Variants in THSD7B observed in about 807,000 individuals in gnomAD.
THSD7B encodes the protein thrombospondin type-1 domain-containing protein 7B.
THSD7B carries 138 observed loss-of-function variants against 213.6 expected under a neutral mutation model. That is an observed-to-expected ratio of 0.65 (90% CI 0.56 to 0.74). The LOEUF is 0.74. Ranked by LOEUF, THSD7B falls within the 30% of genes least tolerant of loss-of-function variation. The pLI, the probability that THSD7B is intolerant of heterozygous loss-of-function variation, is 0.00. For missense variants in THSD7B, 1,931 were observed against 1,991.5 expected (o/e 0.97, Z 0.58); for synonymous variants, 742 against 687.0 (o/e 1.08, Z -1.25).
At chr2:137,472,985 T>TA (rs2105094787) in intron 15 of THSD7B, among the ~76,000 whole-genome samples, 1 of 152,218 alleles carries the variant, frequency 6.6e-6, no homozygotes, top group East Asian at 1.9e-4. Flanking sequence ...TAAAAGTTTT[T>TA]ATGTACTGTG....
At chr2:137,395,823 T>G (rs914398726) in intron 12 of THSD7B, among the ~76,000 whole-genome samples, 50 of 150,496 alleles carry the variant, frequency 3.3e-4, no homozygotes, top group Non-Finnish European at 5.8e-4. Context: ...AACTATTGAT[T>G]ATTGCCACAA....
intron 1 of THSD7B, among the ~76,000 whole-genome samples, chr2:136,794,141 A>T (rs2104916431): frequency 6.6e-6 from 1 of 151,706 alleles, no homozygotes; most frequent in Non-Finnish European, 1.5e-5. Context: ...GAGACTAGAC[A>T]AAAATTTTGC....
intron 7 of THSD7B, among the ~76,000 whole-genome samples, chr2:137,199,639 G>GAATT (rs1185201591): frequency 6.6e-6 from 1 of 152,104 alleles, no homozygotes; most frequent in African/African-American, 2.4e-5. Context: ...TGGAAAGGAA[G>GAATT]AATTATGTGG....
intron 10 of THSD7B, among the ~76,000 whole-genome samples, chr2:137,262,969 G>A (rs1682487266): frequency 6.6e-6 from 1 of 152,154 alleles, no homozygotes; most frequent in Admixed American, 6.6e-5. Context: ...TGTAGAGACT[G>A]AGGAAGGGCA....
intron 5 of THSD7B, among the ~76,000 whole-genome samples, chr2:137,154,648 G>T (rs762399806): frequency 3.3e-5 from 5 of 151,866 alleles, no homozygotes; most frequent in Non-Finnish European, 7.4e-5. Flanking sequence ...TTATTTCTCG[G>T]TTAATTCAAA....
chr2:137,362,150 G>A (rs1356855798), intron 12 of THSD7B, among the ~76,000 whole-genome samples: 1 of 152,112 alleles, frequency 6.6e-6, no homozygotes, highest in East Asian at 1.9e-4. Flanking sequence ...CTAAGTGAAG[G>A]AGAAATAAAA....
At chr2:136,972,086 AG>A (rs1331691617) in intron 2 of THSD7B, among the ~76,000 whole-genome samples, 15 of 151,746 alleles carry the variant, frequency 9.9e-5, no homozygotes, top group African/African-American at 3.6e-4. Flanking sequence ...CTCTATGACA[AG>A]GTTTGGTTGC....
intron 12 of THSD7B, among the ~76,000 whole-genome samples, chr2:137,319,432 A>G (rs1341413635): frequency 6.6e-6 from 1 of 152,104 alleles, no homozygotes; most frequent in African/African-American, 2.4e-5. Flanking sequence ...GAGCAATGTT[A>G]GTCTTGCTTT....
chr2:137,465,135 C>CT (rs748642690), intron 15 of THSD7B, among the ~76,000 whole-genome samples: 2 of 151,802 alleles, frequency 1.3e-5, no homozygotes, highest in East Asian at 3.9e-4. Flanking sequence ...TATATTAATC[C>CT]TTTTTTCTAC....
intron 15 of THSD7B, among the ~76,000 whole-genome samples, chr2:137,451,522 T>C (rs1687652353): frequency 2.0e-5 from 3 of 152,146 alleles, no homozygotes; most frequent in Middle Eastern, 6.8e-3. Flanking sequence ...CTTCCACAAC[T>C]CTATAAATCT....
chr2:137,604,422 T>G (rs1682134357), intron 17 of THSD7B, among the ~76,000 whole-genome samples: 1 of 152,324 alleles, frequency 6.6e-6, no homozygotes, highest in Non-Finnish European at 1.5e-5. Context: ...GTGTGATCTA[T>G]ATTCCACTTT....
chr2:136,841,113 A>G (rs920202454), intron 1 of THSD7B, among the ~76,000 whole-genome samples: 3 of 152,120 alleles, frequency 2.0e-5, no homozygotes, highest in African/African-American at 7.2e-5. Context: ...TTCAAACCCC[A>G]TTTTACATAC....
intron 1 of THSD7B, among the ~76,000 whole-genome samples, chr2:136,830,749 T>A (rs1168718968): frequency 6.6e-6 from 1 of 152,224 alleles, no homozygotes; most frequent in East Asian, 1.9e-4. Flanking sequence ...TCATTGTCTG[T>A]ATCATTGTCA....
At chr2:137,248,156 G>A (rs1486422746) in intron 10 of THSD7B, among the ~76,000 whole-genome samples, 4 of 151,698 alleles carry the variant, frequency 2.6e-5, no homozygotes, top group Non-Finnish European at 5.9e-5. Context: ...GAAATACTCA[G>A]TACTTAGCAT....
chr2:137,386,748 A>C (rs1685905249), intron 12 of THSD7B, among the ~76,000 whole-genome samples: 1 of 152,156 alleles, frequency 6.6e-6, no homozygotes, highest in East Asian at 1.9e-4. Context: ...TTATCACTGC[A>C]TGTCTGACTA....
intron 2 of THSD7B, among the ~76,000 whole-genome samples, chr2:136,944,385 A>G (rs1684887251): frequency 6.6e-6 from 1 of 152,160 alleles, no homozygotes; most frequent in Non-Finnish European, 1.5e-5. Flanking sequence ...AGTTCTGTAA[A>G]TGTCTATTAG....
At chr2:137,558,154 T>G (rs1050606804) in intron 15 of THSD7B, among the ~76,000 whole-genome samples, 5 of 152,194 alleles carry the variant, frequency 3.3e-5, no homozygotes, top group Admixed American at 2.6e-4. Flanking sequence ...GCTGGTACCA[T>G]TCCTTCTGAA....
intron 14 of THSD7B, among the ~76,000 whole-genome samples, chr2:137,442,203 AATATAT>A (rs141117175): frequency 6.6e-6 from 1 of 151,780 alleles, no homozygotes; most frequent in African/African-American, 2.4e-5. Flanking sequence ...ATTTTCCTGA[AATATAT>A]ATATATAAGC....
At chr2:137,448,558 C>T (rs1488443146) in intron 14 of THSD7B, among the ~76,000 whole-genome samples, 1 of 151,788 alleles carries the variant, frequency 6.6e-6, no homozygotes, top group Admixed American at 6.6e-5. Flanking sequence ...GCCTGTAATC[C>T]CAGCACTTTG....
Sources: gnomAD v4.1 joint callset for allele counts (sites outside exome capture counted in the v4.1 genomes callset) on GRCh38, gnomAD v4.1.1 for gene constraint, MANE v1.5 for transcripts, NCBI Gene and HGNC (gene_info 2026-07-23, HGNC 2026-07-21) for gene names.